The following HRH4 variants were observed in gnomAD, a reference collection of about 807,000 sequenced individuals.
The protein encoded by HRH4 is histamine receptor H4, also known as histamine H4 receptor.
Under a neutral mutation model 10.4 loss-of-function variants are expected in HRH4, and 12 were observed. The observed-to-expected ratio is 1.15, with a 90% CI of 0.74 to 1.87. HRH4 has a LOEUF of 1.87. Among genes scored for constraint, HRH4 ranks in the 40% most tolerant of loss-of-function variants. HRH4 has a pLI of 0.00. For missense variants in HRH4, 415 were observed against 453.3 expected (o/e 0.92, Z 0.77); for synonymous variants, 154 against 166.6 (o/e 0.92, Z 0.58).
Position 24,477,479 on chromosome 18 carries a change from C to T in HRH4, c.1090C>T (p.Arg364Cys), listed in dbSNP as rs769575154. Residue 364 changes from arginine (R) to cysteine (C), a missense_variant, in exon 3 of 3, where the codon CGC becomes TGC. Arg to Cys is a radical substitution (Grantham distance 180). Transcript: ENST00000256906. ...TCTTTTGTATCCATTGTGTCACAAG[C>T]GCTTTCAAAAGGCTTTCTTGAAAAT... ...NPLLYPLCHK[R>C]FQKAFLKIFC... 23 of 1,612,418 alleles carry T rather than the reference C, an allele frequency of 1.4e-5. No homozygotes were observed. The highest frequency in any genetic ancestry group is 2.7e-5 in the African/African-American group (2 of 74,794).
At chr18:24,464,014 A>T (rs1036694322) in intron 1 of HRH4, among the ~76,000 whole-genome samples, 2 of 152,134 alleles carry the variant, frequency 1.3e-5, no homozygotes, top group African/African-American at 4.8e-5. Context: ...CAGGATCTTC[A>T]GGGGATAAAG....
chr18:24,468,323 T>G (rs1376798811), intron 1 of HRH4, among the ~76,000 whole-genome samples: 5 of 152,196 alleles, frequency 3.3e-5, no homozygotes, highest in African/African-American at 1.2e-4. Flanking sequence ...ATTACAGGCG[T>G]GAGTTACCAC....
intron 1 of HRH4, among the ~76,000 whole-genome samples, chr18:24,462,303 A>T (rs1909665798): frequency 6.6e-6 from 1 of 152,174 alleles, no homozygotes; most frequent in Non-Finnish European, 1.5e-5. Context: ...AGTGGAATTT[A>T]TTCAGCAGGC....
At position 24,476,971 on chromosome 18, in the gene HRH4, C is replaced by T. The variant is rs771532637; in HGVS notation, c.582C>T (p.Asn194=). ...CAGTCATCTTAGTCGCTTATTTCAA[C>T]ATGAATATTTATTGGAGCCTGTGGA... ...VIPVILVAYF[N]MNIYWSLWKR... The change falls in exon 3 of 3, where the codon AAC becomes AAT. Residue 194 remains asparagine, a synonymous_variant. Coordinates refer to ENST00000256906, the MANE Select transcript of HRH4 (RefSeq NM_021624.4). 6.2e-7 allele frequency: 1 copy of T among 1,614,176 alleles called. No individual in the cohort carries two copies. The highest frequency in any genetic ancestry group is 1.7e-5 in the Admixed American group (1 of 60,030).
At chr18:24,475,994 G>A (rs1287036252) in intron 2 of HRH4, among the ~76,000 whole-genome samples, 2 of 152,068 alleles carry the variant, frequency 1.3e-5, no homozygotes, top group South Asian at 2.1e-4. Context: ...GGTGACAAGC[G>A]TGAAACTGTC....
rs184208439 is a variant in HRH4, at chr18:24,479,076, C to T, written c.*1514C>T. The stretch of plus-strand genomic sequence containing the variant: ...GGGATTACAGGTGCATGCCACCATG[C>T]CTGGCTAATTTTGGTATTTTTAGTA... On this transcript the variant is annotated 3_prime_UTR_variant, in exon 3 of 3. Coordinates refer to ENST00000256906, the MANE Select transcript of HRH4 (RefSeq NM_021624.4). 1 of 151,916 alleles carries T rather than the reference C, an allele frequency of 6.6e-6. No homozygotes were observed. Among genetic ancestry groups the T allele is most frequent in the Non-Finnish European group, 1.5e-5 (1 of 68,006 alleles). The allele number at this position is 151,916 out of a possible 1,614,324, so 9.4% of individuals were successfully genotyped here.
intron 1 of HRH4, 130 bp from the exon 2 acceptor site, chr18:24,468,658 A>G: frequency 1.1e-6 from 1 of 885,450 alleles, no homozygotes; most frequent in Non-Finnish European, 1.7e-6. Context: ...AATACCGTGA[A>G]TTTCTAAATT....
intron 1 of HRH4, among the ~76,000 whole-genome samples, chr18:24,467,542 T>A (rs1165122107): frequency 6.6e-6 from 1 of 152,134 alleles, no homozygotes; most frequent in Admixed American, 6.5e-5. Flanking sequence ...TTTTTATTTA[T>A]TTTTTATTTT....
chr18:24,473,657 A>G (rs1415817341), intron 2 of HRH4, among the ~76,000 whole-genome samples: 2 of 152,204 alleles, frequency 1.3e-5, no homozygotes, highest in Non-Finnish European at 2.9e-5. Flanking sequence ...TACATCTGCA[A>G]ACACCATATT....
At chr18:24,470,022 C>T (rs956382381) in intron 2 of HRH4, among the ~76,000 whole-genome samples, 3 of 152,046 alleles carry the variant, frequency 2.0e-5, no homozygotes, top group Admixed American at 6.6e-5. Context: ...AGGAACAAAT[C>T]GGTTCAGTAC....
At chr18:24,467,338 G>C (rs2144370268) in intron 1 of HRH4, among the ~76,000 whole-genome samples, 1 of 152,280 alleles carries the variant, frequency 6.6e-6, no homozygotes, top group Admixed American at 6.5e-5. Context: ...TAATCCTCAG[G>C]AGAGACAGAC....
At chr18:24,461,040 A>T (rs1909625003) in intron 1 of HRH4, 119 bp downstream of exon 1, 1 of 721,016 alleles carries the variant, frequency 1.4e-6, no homozygotes, top group African/African-American at 1.8e-5. Context: ...ATAAACACAA[A>T]AAGTTTAAGT....
At chr18:24,464,171 T>TG (rs1166099547) in intron 1 of HRH4, among the ~76,000 whole-genome samples, 1 of 152,184 alleles carries the variant, frequency 6.6e-6, no homozygotes, top group African/African-American at 2.4e-5. Context: ...ACTGGGTGGC[T>TG]TAAACAACTG....
chr18:24,465,084 C>T (rs1377299686), intron 1 of HRH4, among the ~76,000 whole-genome samples: 2 of 151,510 alleles, frequency 1.3e-5, no homozygotes, highest in South Asian at 2.1e-4. Flanking sequence ...GCCAGGAGTT[C>T]GAGACCAGCC....
At chr18:24,463,123 G>A (rs1289603843) in intron 1 of HRH4, among the ~76,000 whole-genome samples, 1 of 152,216 alleles carries the variant, frequency 6.6e-6, no homozygotes, top group South Asian at 2.1e-4. Context: ...ATGTCTCCAT[G>A]TCTGGCCCAA....
In HRH4 at chr18:24,479,312, ATTTAC is replaced by A. The variant is rs1910243568; in HGVS notation, c.*1753_*1757del. On this transcript the variant is annotated 3_prime_UTR_variant, in exon 3 of 3. Coordinates refer to ENST00000256906, the MANE Select transcript of HRH4 (RefSeq NM_021624.4). The stretch of plus-strand genomic sequence containing the variant: ...AATTATTATTTTAAAATATTGTTGT[ATTTAC>A]TTAATGTCTTTAATGCATTTGCCCA... 1 of 151,994 alleles carries A rather than the reference ATTTAC, an allele frequency of 6.6e-6. No individual in the cohort carries two copies. The highest frequency in any genetic ancestry group is 6.6e-5 in the Admixed American group (1 of 15,248). The allele number at this position is 151,994 out of a possible 1,614,324, so 9.4% of individuals were successfully genotyped here.
chr18:24,460,659 G>GA lies in HRH4; in HGVS notation c.-66dup. 9.6e-7 allele frequency: 1 copy of GA among 1,037,890 alleles called. No homozygotes were observed. Among genetic ancestry groups the GA allele is most frequent in the Non-Finnish European group, 1.4e-6 (1 of 730,228 alleles). 64.3% of individuals were successfully genotyped at this position (1,037,890 alleles called of 1,614,324 possible). A position where few individuals can be genotyped will look rare whatever the true frequency, so the allele number is the denominator to read the frequency against. ...ACTACACATTTTAGGTATGTGATTA[G>GA]AAAACATACTTGTCAGAATTGTCTG... On this transcript the variant is annotated 5_prime_UTR_variant, in exon 1 of 3. Coordinates refer to ENST00000256906, the MANE Select transcript of HRH4 (RefSeq NM_021624.4).
chr18:24,463,938 C>A (rs931622700), intron 1 of HRH4, among the ~76,000 whole-genome samples: 1 of 152,118 alleles, frequency 6.6e-6, no homozygotes, highest in South Asian at 2.1e-4. Context: ...TTTGTGGGTA[C>A]TTTCTTCTCA....
intron 1 of HRH4, among the ~76,000 whole-genome samples, chr18:24,463,583 A>C (rs768622015): frequency 1.3e-5 from 2 of 152,146 alleles, no homozygotes; most frequent in Non-Finnish European, 1.5e-5. Context: ...ATTGATTCTT[A>C]ACATTTGGGG....
Sources: allele counts gnomAD v4.1 joint callset (sites outside exome capture counted in the v4.1 genomes callset), GRCh38; gene constraint gnomAD v4.1.1; transcripts MANE v1.5; gene names NCBI Gene and HGNC (gene_info 2026-07-23, HGNC 2026-07-21).